Variants in CRTAP observed in about 807,000 individuals in gnomAD.
The protein encoded by CRTAP is cartilage-associated protein.
CRTAP carries 33 observed loss-of-function variants against 42.7 expected under a neutral mutation model. The observed-to-expected ratio is 0.77, with a 90% CI of 0.59 to 1.03. CRTAP has a LOEUF of 1.03. Ranked by LOEUF, CRTAP falls within the 50% of genes least tolerant of loss-of-function variation. CRTAP has a pLI of 0.00. For synonymous variants in CRTAP, 243 were observed against 217.7 expected, an observed-to-expected ratio of 1.12 and a Z score of -1.02; for missense variants, 613 against 533.9, an observed-to-expected ratio of 1.15 and a Z score of -1.46.
chr3:33,140,950 C>T (rs1575520810), intron 6 of CRTAP, among the ~76,000 whole-genome samples: 1 of 152,176 alleles, frequency 6.6e-6, no homozygotes, highest in South Asian at 2.1e-4. Context: ...GTCTGTCATT[C>T]GTTCTTCGTT....
rs1326783743 is a variant in CRTAP at position 33,125,498 on chromosome 3, T to TTG, written c.793+920_793+921insGT. 9.6e-5 allele frequency among the ~76,000 whole-genome samples: 14 copies of TTG among 145,384 alleles called. No individual in the cohort carries two copies. The East Asian group carries it at 2.8e-3, about 29-fold the overall frequency. ...TCTCTTTCTACAAAGTAGGTTTTTTTTTTTTTTTTTTTTTTTTGCCTTAAG... is the reference window on the plus strand; with the variant it reads ...TCTCTTTCTACAAAGTAGGTTTTTTTTGTTTTTTTTTTTTTTTTTGCCTTAAG... On this transcript the variant is annotated intron_variant, in intron 3 of 6. Transcript: ENST00000320954.
In CRTAP at chr3:33,114,143, C is replaced by A. The variant is rs367948991; in HGVS notation, c.66C>A (p.Arg22=). 2 of 1,573,652 alleles carry A rather than the reference C, an allele frequency of 1.3e-6. No individual in the cohort carries two copies. Among genetic ancestry groups the A allele is most frequent in the Admixed American group, 1.7e-5 (1 of 57,390 alleles). The stretch of plus-strand genomic sequence containing the variant: ...TGCTGTGCGTGGCCTGCGCGCTGCG[C>A]GCCGGGCGCGCCCAATACGAACGCT... The part of the protein sequence containing the change: ...LALLCVACAL[R]AGRAQYERYS... Residue 22 remains arginine, a synonymous_variant, in exon 1 of 7, where the codon CGC becomes CGA. Coordinates refer to ENST00000320954, the MANE Select transcript of CRTAP (RefSeq NM_006371.5).
In CRTAP at chr3:33,147,487, G is replaced by A. The variant is rs2030752976; in HGVS notation, c.*5039G>A. 6.6e-6 allele frequency: 1 copy of A among 152,378 alleles called. No individual in the cohort carries two copies. Among genetic ancestry groups the A allele is most frequent in the South Asian group, 2.1e-4 (1 of 4,834 alleles). 9.4% of individuals were successfully genotyped at this position (152,378 alleles called of 1,614,324 possible). A position where few individuals can be genotyped will look rare whatever the true frequency, so the allele number is the denominator to read the frequency against. On this transcript the variant is annotated 3_prime_UTR_variant, in exon 7 of 7. Transcript: ENST00000320954. ...AGTGAGTTGGCTCTATATCCCCTTG[G>A]AGCTGGCCGGTAAGATATTAGTGCC...
At chr3:33,133,587 A>G (rs1487980405) in intron 5 of CRTAP, among the ~76,000 whole-genome samples, 1 of 151,986 alleles carries the variant, frequency 6.6e-6, no homozygotes, top group Non-Finnish European at 1.5e-5. Flanking sequence ...AAAGGTATAT[A>G]TTTACTCATA....
chr3:33,128,075 A>G (rs2030132908), intron 3 of CRTAP, among the ~76,000 whole-genome samples: 1 of 152,162 alleles, frequency 6.6e-6, no homozygotes, highest in African/African-American at 2.4e-5. Context: ...TTTCAGAACT[A>G]TTTGGAAGTA....
At chr3:33,128,451 A>G (rs1331377984) in intron 3 of CRTAP, among the ~76,000 whole-genome samples, 1 of 152,182 alleles carries the variant, frequency 6.6e-6, no homozygotes, top group Non-Finnish European at 1.5e-5. Context: ...TTGGGTTTCT[A>G]TTATGTGTCT....
At chr3:33,116,238 T>C (rs1701342048) in intron 1 of CRTAP, among the ~76,000 whole-genome samples, 1 of 152,230 alleles carries the variant, frequency 6.6e-6, no homozygotes, top group South Asian at 2.1e-4. Context: ...GCATGGGTTT[T>C]CTCTTTCATC....
chr3:33,133,384 G>A lies in CRTAP; in HGVS notation c.1068+684G>A, dbSNP rs145539047. ...AGCGATTCTCTTGCCTTAGCCTCCC[G>A]AGTAGCTGGGATTACAGGCGTGCAC... On this transcript the variant is annotated intron_variant, in intron 5 of 6. Coordinates refer to ENST00000320954, the MANE Select transcript of CRTAP (RefSeq NM_006371.5). Among the ~76,000 whole-genome samples, 1,505 of 151,450 alleles carry A rather than the reference G, an allele frequency of 9.9e-3. 63 individuals are homozygous for A. The highest frequency in any genetic ancestry group is 0.076 in the Admixed American group (1,151 of 15,198).
chr3:33,134,835 T>C (rs2030376610), intron 6 of CRTAP, among the ~76,000 whole-genome samples: 1 of 152,180 alleles, frequency 6.6e-6, no homozygotes, highest in Non-Finnish European at 1.5e-5. Flanking sequence ...TGGAACAAAC[T>C]GGAAAATGCT....
chr3:33,120,767 A>G (rs2029869987), intron 2 of CRTAP, among the ~76,000 whole-genome samples: 1 of 152,246 alleles, frequency 6.6e-6, no homozygotes, highest in Non-Finnish European at 1.5e-5. Flanking sequence ...AGGGTAGATT[A>G]AAGACATATC....
Position 33,132,653 on chromosome 3 carries a change from C to T in CRTAP, c.1021C>T (p.His341Tyr). 1.2e-6 allele frequency: 2 copies of T among 1,614,088 alleles called. No homozygotes were observed. Among genetic ancestry groups the T allele is most frequent in the Non-Finnish European group, 1.7e-6 (2 of 1,179,928 alleles). The change falls in exon 5 of 7, where the codon CAC becomes TAC. Residue 341 changes from histidine to tyrosine, a missense_variant. Transcript: ENST00000320954. ...MQQNLVYYQY[H>Y]RDTWGLSDEH... ...GCAGAACCTGGTGTATTACCAGTAC[C>T]ACAGGGACACTTGGGGCCTCTCGGA...
chr3:33,123,482 A>T (rs1282783445), intron 2 of CRTAP, among the ~76,000 whole-genome samples: 2 of 152,074 alleles, frequency 1.3e-5, no homozygotes, highest in South Asian at 4.2e-4. Flanking sequence ...TGGCCATGTG[A>T]AGTGCCGGCT....
Position 33,142,386 on chromosome 3 carries a change from C to G in CRTAP, c.1153-9C>G. 1.9e-6 allele frequency: 3 copies of G among 1,613,318 alleles called. No individual in the cohort carries two copies. In the Admixed American group the frequency reaches 5.0e-5, roughly 27 times the overall value. On this transcript the variant is annotated splice_polypyrimidine_tract_variant and intron_variant, in intron 6 of 6. Transcript: ENST00000320954. ...CCATTTAATAAAGTTGTCCTGTTGT[C>G]TCTTACAGGGAGAAGTTGTGGAATA...
chr3:33,133,034 G>A (rs932848411), intron 5 of CRTAP, among the ~76,000 whole-genome samples: 16 of 151,596 alleles, frequency 1.1e-4, no homozygotes, highest in African/African-American at 3.4e-4. Context: ...CCGAGATTGC[G>A]CCAAAAAAAA....
intron 6 of CRTAP, among the ~76,000 whole-genome samples, chr3:33,134,782 C>T (rs1351875179): frequency 6.6e-6 from 1 of 152,094 alleles, no homozygotes; most frequent in Non-Finnish European, 1.5e-5. Context: ...TGAGTCTGGT[C>T]ACAGAAAAGC....
At position 33,124,424 on chromosome 3, in the gene CRTAP, C is replaced by T; in HGVS notation, c.638C>T (p.Ala213Val). Residue 213 changes from alanine (A) to valine (V), a missense_variant, in exon 3 of 7, where the codon GCA (alanine) becomes GTA (valine). Coordinates refer to ENST00000320954, the MANE Select transcript of CRTAP (RefSeq NM_006371.5). ...GCCTTTCAGAGCCTGTTCATCCGAG[C>T]AGTGCGGGCATACAACGGTGAGAAC... Reference protein sequence around the residue: ...TKSYESLFIRAVRAYNGENWR... With the variant: ...TKSYESLFIRVVRAYNGENWR... 6.2e-7 allele frequency: 1 copy of T among 1,614,170 alleles called. No homozygotes were observed. The highest frequency in any genetic ancestry group is 8.5e-7 in the Non-Finnish European group (1 of 1,180,028).
chr3:33,140,954 C>G (rs1413579450), intron 6 of CRTAP, among the ~76,000 whole-genome samples: 1 of 152,204 alleles, frequency 6.6e-6, no homozygotes, highest in African/African-American at 2.4e-5. Context: ...GTCATTCGTT[C>G]TTCGTTGCCA....
rs753545426 is a variant in CRTAP, at chr3:33,129,535, C to CTT, written c.794-386_794-385dup. Among the ~76,000 whole-genome samples, 858 of 115,626 alleles carry CTT rather than the reference C, an allele frequency of 7.4e-3. 12 individuals carry two copies. Among genetic ancestry groups the CTT allele is most frequent in the African/African-American group, 0.011 (342 of 32,304 alleles). 75.9% of individuals were successfully genotyped at this position (115,626 alleles called of 152,430 possible). A position where few individuals can be genotyped will look rare whatever the true frequency, so the allele number is the denominator to read the frequency against. ...AGGTGTTGAAAATATTTTTCTTTTT[C>CTT]TTTTTTTTTTTTTTTTTTTGGAGAC... is the stretch of plus-strand genomic sequence containing the variant. On this transcript the variant is annotated intron_variant, in intron 3 of 6. Transcript: ENST00000320954.
intron 3 of CRTAP, among the ~76,000 whole-genome samples, chr3:33,125,972 C>G (rs920167875): frequency 6.6e-6 from 1 of 152,112 alleles, no homozygotes; most frequent in African/African-American, 2.4e-5. Context: ...GTAAAATATA[C>G]GTTAATATGA....
Sources: gnomAD v4.1 joint callset for allele counts (sites outside exome capture counted in the v4.1 genomes callset) on GRCh38, gnomAD v4.1.1 for gene constraint, MANE v1.5 for transcripts, NCBI Gene and HGNC (gene_info 2026-07-23, HGNC 2026-07-21) for gene names.